The following AK2 variants were observed in gnomAD, a reference collection of about 807,000 sequenced individuals.
The protein encoded by AK2 is adenylate kinase 2, mitochondrial.
AK2 carries 15 observed loss-of-function variants against 24.6 expected under a neutral mutation model. The ratio of observed to expected loss-of-function variants is 0.61; its 90% confidence interval spans 0.41 to 0.94. AK2 has a LOEUF of 0.94. Among genes scored for constraint, AK2 ranks in the 40% least tolerant of loss-of-function variants. The pLI is 0.00. For missense variants in AK2, 257 were observed against 304.1 expected, an observed-to-expected ratio of 0.85 and a Z score of 1.15; for synonymous variants, 102 against 114.0, an observed-to-expected ratio of 0.90 and a Z score of 0.67.
At chr1:33,026,386 TCTTAGGTGCATG>T (rs1165122538) in intron 1 of AK2, among the ~76,000 whole-genome samples, 2 of 152,216 alleles carry the variant, frequency 1.3e-5, no homozygotes, top group East Asian at 3.8e-4. Flanking sequence ...TTGGGAGTTT[TCTTAGGTGCATG>T]CTTAGGTGCA....
At chr1:33,015,181 C>G (rs983839773) in intron 4 of AK2, among the ~76,000 whole-genome samples, 1 of 152,204 alleles carries the variant, frequency 6.6e-6, no homozygotes, top group Non-Finnish European at 1.5e-5. Context: ...GATGCAAACA[C>G]TGCCAGATAA....
rs765292604 is a variant in AK2, at chr1:33,013,247, G to C, written c.654C>G (p.Val218=). Residue 218 remains valine, a synonymous_variant, in exon 6 of 6, where the codon GTC becomes GTG. Transcript: ENST00000672715. ...SAIDASQTPD[V]VFASILAAFS... The stretch of plus-strand genomic sequence containing the variant: ...AGGCTGCTAGGATGCTTGCGAACAC[G>C]ACATCGGGGGTCTGGGATGCATCGA... 3 of 1,613,644 alleles carry C rather than the reference G, an allele frequency of 1.9e-6. No homozygotes were observed. In the East Asian group the frequency reaches 6.7e-5, roughly 36 times the overall value.
intron 4 of AK2, among the ~76,000 whole-genome samples, chr1:33,020,705 C>T (rs899763574): frequency 6.6e-6 from 1 of 151,846 alleles, no homozygotes; most frequent in East Asian, 1.9e-4. Flanking sequence ...ATTAGCTGGG[C>T]GTGGTGGTAC....
In AK2 at chr1:33,010,853, A is replaced by G. The variant is rs1176177081; in HGVS notation, c.*2328T>C. On this transcript the variant is annotated 3_prime_UTR_variant, in exon 6 of 6. Transcript: ENST00000672715. ...ACTAGGCTGAAATAGAGAGGAAACA[A>G]GAGAGAACAAAATGGGTTTTTAAAA... 1 of 1,600,902 alleles carries G rather than the reference A, an allele frequency of 6.2e-7. No homozygotes were observed. The highest frequency in any genetic ancestry group is 8.5e-7 in the Non-Finnish European group (1 of 1,174,872).
chr1:33,012,942 G>T lies in AK2; in HGVS notation c.*239C>A, dbSNP rs747398976. 6.6e-7 allele frequency: 1 copy of T among 1,516,282 alleles called. No homozygotes were observed. The highest frequency in any genetic ancestry group is 8.8e-7 in the Non-Finnish European group (1 of 1,131,744). The allele number at this position is 1,516,282 out of a possible 1,614,324, so 93.9% of individuals were successfully genotyped here. ...AGTAAACAGCTGGTAAAGCAACCTA[G>T]CCTAAAACTTACAAAGTAGCAGAGT... On this transcript the variant is annotated 3_prime_UTR_variant, in exon 6 of 6. Coordinates refer to ENST00000672715, the MANE Select transcript of AK2 (RefSeq NM_001625.4).
At chr1:33,018,918 T>G (rs971708959) in intron 4 of AK2, among the ~76,000 whole-genome samples, 4 of 152,216 alleles carry the variant, frequency 2.6e-5, no homozygotes, top group African/African-American at 9.6e-5. Context: ...GACTATCTCA[T>G]GAGTCCTGAA....
intron 4 of AK2, among the ~76,000 whole-genome samples, chr1:33,016,458 G>C (rs953435197): frequency 2.6e-5 from 4 of 151,630 alleles, no homozygotes; most frequent in South Asian, 2.1e-4. Flanking sequence ...TGATCCACCT[G>C]CCTCAGCCTT....
chr1:33,024,413 T>C, intron 2 of AK2, 29 bp downstream of exon 2: 1 of 1,612,824 alleles, frequency 6.2e-7, no homozygotes, highest in Admixed American at 1.7e-5. Context: ...CTGAGGAATA[T>C]CAACACTCAT....
chr1:33,022,387 A>C (rs1366024232), intron 2 of AK2, among the ~76,000 whole-genome samples: 5 of 125,820 alleles, frequency 4.0e-5, no homozygotes, highest in Non-Finnish European at 6.3e-5. Flanking sequence ...AGACAGTCTC[A>C]TTCTGTTGCC....
intron 4 of AK2, 144 bp downstream of exon 4, chr1:33,021,223 T>C: frequency 1.3e-6 from 1 of 769,078 alleles, no homozygotes; most frequent in East Asian, 2.5e-5. Context: ...CGATCCCATC[T>C]CACCACTTCA....
At chr1:33,031,852 C>A (rs1640254616) in intron 1 of AK2, 2 of 342,402 alleles carry the variant, frequency 5.8e-6, no homozygotes, top group Admixed American at 3.6e-5. Flanking sequence ...TTGGTTTTGA[C>A]CACACCGAAG....
intron 1 of AK2, among the ~76,000 whole-genome samples, chr1:33,033,814 G>A (rs979337852): frequency 6.6e-6 from 1 of 152,134 alleles, no homozygotes; most frequent in African/African-American, 2.4e-5. Context: ...AAAAGTTAAG[G>A]TGTATGAGAT....
At chr1:33,017,917 CA>C (rs1292960575) in intron 4 of AK2, among the ~76,000 whole-genome samples, 1 of 152,140 alleles carries the variant, frequency 6.6e-6, no homozygotes, top group Non-Finnish European at 1.5e-5. Context: ...CACACTGCCA[CA>C]CCTGGCTAAC....
intron 4 of AK2, among the ~76,000 whole-genome samples, chr1:33,017,501 A>C (rs1639265461): frequency 6.6e-6 from 1 of 152,212 alleles, no homozygotes; most frequent in South Asian, 2.1e-4. Context: ...TCTAGAGAGC[A>C]CAGGGCACAT....
At position 33,009,933 on chromosome 1, in the gene AK2, A is replaced by G. The variant is rs1638696444; in HGVS notation, c.*3248T>C. The G allele has an allele frequency of 4.4e-6, 2 of 454,472 alleles. No individual in the cohort carries two copies. Among genetic ancestry groups the G allele is most frequent in the African/African-American group, 2.0e-5 (1 of 50,012 alleles). The allele number at this position is 454,472 out of a possible 1,614,324, so 28.2% of individuals were successfully genotyped here. A position where few individuals can be genotyped will look rare whatever the true frequency, so the allele number is the denominator to read the frequency against. On this transcript the variant is annotated 3_prime_UTR_variant, in exon 6 of 6. Transcript: ENST00000672715. Reference sequence around the variant, plus strand: ...CACAACAGGGGATACAAATTTTAACATATTTTATTGATTTAGGGGCCAAAC... The same window carrying G: ...CACAACAGGGGATACAAATTTTAACGTATTTTATTGATTTAGGGGCCAAAC...
chr1:33,010,187 TG>T lies in AK2; in HGVS notation c.*2993del, dbSNP rs1557604889. On this transcript the variant is annotated 3_prime_UTR_variant, in exon 6 of 6. Coordinates refer to ENST00000672715, the MANE Select transcript of AK2 (RefSeq NM_001625.4). ...CTGGGTAGCTGTGAGAGGTTACTCA[TG>T]AAAGTAGGTAGCCTAGTAAATTAGT... The T allele has an allele frequency of 4.4e-6, 2 of 454,300 alleles. No homozygotes were observed. Among genetic ancestry groups the T allele is most frequent in the Non-Finnish European group, 8.8e-6 (2 of 226,848 alleles). The allele number at this position is 454,300 out of a possible 1,614,324, so 28.1% of individuals were successfully genotyped here.
In AK2 at chr1:33,012,658, A is replaced by G. The variant is rs1267013327; in HGVS notation, c.*523T>C. The G allele has an allele frequency of 7.8e-7, 1 of 1,280,732 alleles. No individual in the cohort carries two copies. The highest frequency in any genetic ancestry group is 5.6e-5 in the East Asian group (1 of 18,016). 79.3% of individuals were successfully genotyped at this position (1,280,732 alleles called of 1,614,324 possible). A position where few individuals can be genotyped will look rare whatever the true frequency, so the allele number is the denominator to read the frequency against. ...ACGTCTGTGATCCTGGCACTTCAGG[A>G]GGCCAAGGTGGGTGGATTGCTTAAG... On this transcript the variant is annotated 3_prime_UTR_variant, in exon 6 of 6. Coordinates refer to ENST00000672715, the MANE Select transcript of AK2 (RefSeq NM_001625.4).
At chr1:33,021,317 T>C (rs1639536719) in intron 4 of AK2, 50 bp downstream of exon 4, 7 of 1,489,832 alleles carry the variant, frequency 4.7e-6, no homozygotes, top group Non-Finnish European at 5.6e-6. Flanking sequence ...ATTCTCAGAG[T>C]TTGAGAAAGC....
intron 5 of AK2, 33 bp downstream of exon 5, chr1:33,014,489 G>C: frequency 6.3e-7 from 1 of 1,575,546 alleles, no homozygotes; most frequent in Non-Finnish European, 8.7e-7. Flanking sequence ...GGGAAGGAAA[G>C]AAAAGGAAAT....
Sources: gnomAD v4.1 joint callset for allele counts (sites outside exome capture counted in the v4.1 genomes callset) on GRCh38, gnomAD v4.1.1 for gene constraint, MANE v1.5 for transcripts, NCBI Gene and HGNC (gene_info 2026-07-23, HGNC 2026-07-21) for gene names.